The following NELL1 variants were observed in gnomAD, a reference collection of about 807,000 sequenced individuals.
NELL1 encodes neural EGFL like 1.
Under a neutral mutation model 107.4 loss-of-function variants are expected in NELL1, and 76 were observed. The observed-to-expected ratio is 0.71, with a 90% CI of 0.59 to 0.86. NELL1 has a LOEUF of 0.86. Ranked by LOEUF, NELL1 falls within the 40% of genes least tolerant of loss-of-function variation. The pLI is 0.00. For missense variants in NELL1, 1,024 were observed against 1,005.5 expected (o/e 1.02, Z -0.25); for synonymous variants, 353 against 341.2 (o/e 1.03, Z -0.38).
At chr11:20,950,719 G>C (rs1851053339) in intron 11 of NELL1, among the ~76,000 whole-genome samples, 1 of 152,196 alleles carries the variant, frequency 6.6e-6, no homozygotes, top group African/African-American at 2.4e-5. Context: ...AGCATCGTTT[G>C]CTTTGTGGAC....
chr11:21,440,349 G>C (rs1224337515), intron 15 of NELL1, among the ~76,000 whole-genome samples: 1 of 151,844 alleles, frequency 6.6e-6, no homozygotes, highest in Non-Finnish European at 1.5e-5. Flanking sequence ...TAACTCAAAG[G>C]TGGACTTACA....
At chr11:21,376,343 A>G (rs981302042) in intron 15 of NELL1, among the ~76,000 whole-genome samples, 18 of 152,130 alleles carry the variant, frequency 1.2e-4, no homozygotes, top group African/African-American at 3.9e-4. Context: ...ACTTTATTGA[A>G]GATCAGATGG....
chr11:21,100,817 A>G (rs576059476), intron 12 of NELL1, among the ~76,000 whole-genome samples: 1 of 152,122 alleles, frequency 6.6e-6, no homozygotes, highest in South Asian at 2.1e-4. Context: ...ATAGCAAAGT[A>G]CAATGTTTCT....
chr11:21,319,516 A>ATATATATATT (rs1291132794), intron 14 of NELL1, among the ~76,000 whole-genome samples: 9 of 120,296 alleles, frequency 7.5e-5, no homozygotes, highest in South Asian at 2.7e-4. Context: ...ATATATATAT[A>ATATATATATT]TTTTTAGTAG....
chr11:21,543,402 C>T (rs111888084), intron 16 of NELL1, among the ~76,000 whole-genome samples: 2,270 of 152,088 alleles, frequency 0.015, 55 homozygotes, highest in African/African-American at 0.052. Context: ...TTGCATGACA[C>T]AAAATTGCCA....
At chr11:21,391,431 A>G (rs1030202550) in intron 15 of NELL1, among the ~76,000 whole-genome samples, 8 of 151,730 alleles carry the variant, frequency 5.3e-5, no homozygotes, top group Non-Finnish European at 8.8e-5. Context: ...TGTCCCCTAC[A>G]TCTTCTCTGT....
At chr11:20,857,059 G>A (rs889256694) in intron 4 of NELL1, among the ~76,000 whole-genome samples, 9 of 152,130 alleles carry the variant, frequency 5.9e-5, no homozygotes, top group African/African-American at 1.9e-4. Context: ...AAGGCTCATC[G>A]CTATTATTGT....
intron 13 of NELL1, among the ~76,000 whole-genome samples, chr11:21,191,238 A>G (rs1428903975): frequency 5.9e-5 from 9 of 151,828 alleles, no homozygotes; most frequent in South Asian, 4.1e-4. Flanking sequence ...GGTGGGATCA[A>G]TTTAGTCACA....
chr11:21,435,964 G>A (rs1018295424), intron 15 of NELL1, among the ~76,000 whole-genome samples: 12 of 152,068 alleles, frequency 7.9e-5, no homozygotes, highest in African/African-American at 2.9e-4. Flanking sequence ...AAAGCAATCA[G>A]TGCCAGGCAT....
At chr11:20,951,959 A>G (rs1851077146) in intron 11 of NELL1, among the ~76,000 whole-genome samples, 1 of 152,098 alleles carries the variant, frequency 6.6e-6, no homozygotes, top group Non-Finnish European at 1.5e-5. Context: ...CTGGAATAAC[A>G]TCTGGGCTCC....
intron 12 of NELL1, among the ~76,000 whole-genome samples, chr11:21,066,582 C>T (rs578209184): frequency 6.6e-6 from 1 of 152,170 alleles, no homozygotes; most frequent in Non-Finnish European, 1.5e-5. Flanking sequence ...TGCTATCATT[C>T]ATTCAATGCA....
intron 12 of NELL1, among the ~76,000 whole-genome samples, chr11:21,103,315 T>G (rs140073341): frequency 6.6e-6 from 1 of 152,328 alleles, no homozygotes; most frequent in Non-Finnish European, 1.5e-5. Flanking sequence ...GGTGAATGAA[T>G]AATTTGACCA....
intron 15 of NELL1, among the ~76,000 whole-genome samples, chr11:21,399,850 A>G (rs1852060242): frequency 6.6e-6 from 1 of 151,760 alleles, no homozygotes; most frequent in African/African-American, 2.4e-5. Context: ...GAAGATAATG[A>G]TGATGTTGAT....
At chr11:20,739,921 T>G (rs1855848795) in intron 2 of NELL1, among the ~76,000 whole-genome samples, 1 of 152,174 alleles carries the variant, frequency 6.6e-6, no homozygotes, top group African/African-American at 2.4e-5. Context: ...TACTTTACCC[T>G]CAAGCGCCAT....
At chr11:21,115,459 C>A (rs1277733146) in intron 13 of NELL1, among the ~76,000 whole-genome samples, 1 of 151,770 alleles carries the variant, frequency 6.6e-6, no homozygotes, top group African/African-American at 2.4e-5. Flanking sequence ...GGAGAGGAAC[C>A]AGTCAGAGAA....
chr11:21,372,075 T>C (rs945147916), intron 15 of NELL1, among the ~76,000 whole-genome samples: 3 of 151,962 alleles, frequency 2.0e-5, no homozygotes, highest in Non-Finnish European at 4.4e-5. Context: ...TTTTGTGACA[T>C]TATCAACAAA....
chr11:21,057,878 C>G (rs976695729), intron 12 of NELL1, among the ~76,000 whole-genome samples: 1 of 152,016 alleles, frequency 6.6e-6, no homozygotes, highest in African/African-American at 2.4e-5. Flanking sequence ...AGAATTATTT[C>G]CAAACATGCT....
At chr11:20,707,515 T>G (rs1035622684) in intron 2 of NELL1, among the ~76,000 whole-genome samples, 3 of 152,228 alleles carry the variant, frequency 2.0e-5, no homozygotes, top group Admixed American at 2.0e-4. Flanking sequence ...CTACCTTTGG[T>G]CTTTGATGAT....
intron 9 of NELL1, among the ~76,000 whole-genome samples, chr11:20,937,317 C>T (rs1318717351): frequency 1.3e-5 from 2 of 152,196 alleles, no homozygotes; most frequent in African/African-American, 4.8e-5. Flanking sequence ...GTGTATTTCT[C>T]ACGCCCACTC....
Sources: gnomAD v4.1 joint callset for allele counts (sites outside exome capture counted in the v4.1 genomes callset) on GRCh38, gnomAD v4.1.1 for gene constraint, MANE v1.5 for transcripts, NCBI Gene and HGNC (gene_info 2026-07-23, HGNC 2026-07-21) for gene names.